Variants in CYB5R4 observed in about 807,000 individuals in gnomAD.
The protein encoded by CYB5R4 is cytochrome b5 reductase 4.
In CYB5R4, 55 loss-of-function variants were observed where a neutral mutation model predicts 70.2. That is an observed-to-expected ratio of 0.78 (90% confidence interval 0.63 to 0.98). The LOEUF (loss-of-function observed/expected upper bound fraction) is 0.98, where lower values mean the gene tolerates loss of function less well. CYB5R4 is among the 50% of genes least tolerant of loss of function. The pLI, the probability that CYB5R4 is intolerant of heterozygous loss-of-function variation, is 0.00. For missense variants in CYB5R4, 562 were observed against 612.6 expected (o/e 0.92, Z 0.87); for synonymous variants, 197 against 199.5 (o/e 0.99, Z 0.11).
chr6:83,922,959 T>G (rs1304301907), intron 9 of CYB5R4, among the ~76,000 whole-genome samples: 4 of 152,038 alleles, frequency 2.6e-5, no homozygotes, highest in African/African-American at 9.7e-5. Flanking sequence ...CTGGCTAATT[T>G]TTTTTTGTAG....
chr6:83,865,829 G>GT (rs2129127731), intron 2 of CYB5R4, among the ~76,000 whole-genome samples: 1 of 152,308 alleles, frequency 6.6e-6, no homozygotes, highest in South Asian at 2.1e-4. Flanking sequence ...TGATGACGTA[G>GT]TTTATATTGA....
At chr6:83,890,657 C>G (rs907891013) in intron 2 of CYB5R4, among the ~76,000 whole-genome samples, 1 of 152,124 alleles carries the variant, frequency 6.6e-6, no homozygotes, top group African/African-American at 2.4e-5. Context: ...ACATGGCATG[C>G]TACAGATAAA....
intron 14 of CYB5R4, among the ~76,000 whole-genome samples, chr6:83,951,679 A>G (rs2099471549): frequency 6.6e-6 from 1 of 152,182 alleles, no homozygotes; most frequent in Non-Finnish European, 1.5e-5. Context: ...TATCCAGTCT[A>G]ACATTGATGG....
intron 15 of CYB5R4, among the ~76,000 whole-genome samples, chr6:83,959,475 G>T (rs2099472972): frequency 6.6e-6 from 1 of 152,156 alleles, no homozygotes; most frequent in South Asian, 2.1e-4. Context: ...CAAATAAATT[G>T]CAGGATGGAG....
intron 2 of CYB5R4, among the ~76,000 whole-genome samples, chr6:83,892,889 A>G (rs2099461335): frequency 6.6e-6 from 1 of 152,078 alleles, no homozygotes; most frequent in Non-Finnish European, 1.5e-5. Context: ...TTCAAAAATT[A>G]TATACACAGT....
At chr6:83,922,314 C>T (rs1038458612) in intron 8 of CYB5R4, 124 bp from the exon 9 acceptor site, 7 of 604,822 alleles carry the variant, frequency 1.2e-5, no homozygotes, top group Non-Finnish European at 2.0e-5. Flanking sequence ...TTTGGTCTTT[C>T]AGAACACGTT....
intron 9 of CYB5R4, among the ~76,000 whole-genome samples, chr6:83,922,973 C>T (rs936525225): frequency 7.3e-5 from 11 of 151,356 alleles, no homozygotes; most frequent in African/African-American, 9.7e-5. Context: ...TTTGTAGAGA[C>T]GGGGTTTCAC....
At chr6:83,898,739 G>A (rs1414198904) in intron 3 of CYB5R4, among the ~76,000 whole-genome samples, 1 of 151,992 alleles carries the variant, frequency 6.6e-6, no homozygotes, top group East Asian at 1.9e-4. Flanking sequence ...GTGAATGGGA[G>A]TTCACTCATG....
At chr6:83,882,065 C>G (rs183891616) in intron 2 of CYB5R4, among the ~76,000 whole-genome samples, 2 of 152,212 alleles carry the variant, frequency 1.3e-5, no homozygotes, top group African/African-American at 4.8e-5. Context: ...AAACTCAGAC[C>G]ACATATTTTA....
chr6:83,866,218 T>C (rs2099456705), intron 2 of CYB5R4, among the ~76,000 whole-genome samples: 1 of 152,236 alleles, frequency 6.6e-6, no homozygotes, highest in Non-Finnish European at 1.5e-5. Context: ...AATTGAGGCA[T>C]TATTAGAATA....
Position 83,859,759 on chromosome 6 carries a change from AGG to A in CYB5R4, c.-22_-21del. On this transcript the variant is annotated 5_prime_UTR_variant, in exon 1 of 16. Coordinates refer to ENST00000369681, the MANE Select transcript of CYB5R4 (RefSeq NM_016230.4). ...TCCCGTCTGGCGGCGATCCCCGGGC[AGG>A]GCCCGGGGCCGGGGTTTGAAGATGC... is the stretch of plus-strand genomic sequence containing the variant. The A allele has an allele frequency of 1.4e-6, 2 of 1,442,096 alleles. No individual in the cohort carries two copies. The highest frequency in any genetic ancestry group is 1.9e-6 in the Non-Finnish European group (2 of 1,028,182). 89.3% of individuals were successfully genotyped at this position (1,442,096 alleles called of 1,614,324 possible).
At position 83,876,919 on chromosome 6, in the gene CYB5R4, C is replaced by T. The variant is rs1412894698; in HGVS notation, c.229+12591C>T. On this transcript the variant is annotated intron_variant, in intron 2 of 15. Coordinates refer to ENST00000369681, the MANE Select transcript of CYB5R4 (RefSeq NM_016230.4). The stretch of plus-strand genomic sequence containing the variant: ...CACGATCTTGGCTCACTACAACCTT[C>T]GCCTCCCAGGCTCAAGGGATTCTCC... Among the ~76,000 whole-genome samples the T allele has an allele frequency of 4.6e-5, 7 of 152,142 alleles. No individual in the cohort carries two copies. In the South Asian group the frequency reaches 6.2e-4, roughly 14 times the overall value.
At chr6:83,864,570 C>G (rs1171736999) in intron 2 of CYB5R4, among the ~76,000 whole-genome samples, 2 of 152,138 alleles carry the variant, frequency 1.3e-5, no homozygotes, top group African/African-American at 2.4e-5. Flanking sequence ...CTTCCTTGTA[C>G]TGCATTTCCT....
intron 1 of CYB5R4, among the ~76,000 whole-genome samples, 161 bp downstream of exon 1, chr6:83,860,018 G>A (rs1417854837): frequency 6.6e-6 from 1 of 152,108 alleles, no homozygotes; most frequent in Non-Finnish European, 1.5e-5. Flanking sequence ...TTTGTCTACA[G>A]TCCCTAAACT....
At chr6:83,859,985 C>A in intron 1 of CYB5R4, 128 bp downstream of exon 1, 1 of 848,404 alleles carries the variant, frequency 1.2e-6, no homozygotes, top group Non-Finnish European at 1.8e-6. Context: ...CTGTCCTTGC[C>A]TGCAACCTCT....
At chr6:83,907,173 T>G (rs2129137402) in intron 3 of CYB5R4, among the ~76,000 whole-genome samples, 1 of 152,276 alleles carries the variant, frequency 6.6e-6, no homozygotes, top group Non-Finnish European at 1.5e-5. Context: ...ACTCCTGGGC[T>G]CAAGTGATCC....
rs1366076255 is a variant in CYB5R4, at chr6:83,961,388, AT to A, written c.*1512del. ...CACCCAAATCTCCTCTCAAATTGTA[AT>A]TCCCACATGTCGAGGGAGGGTCTTG... On this transcript the variant is annotated 3_prime_UTR_variant, in exon 16 of 16. Coordinates refer to ENST00000369681, the MANE Select transcript of CYB5R4 (RefSeq NM_016230.4). The A allele has an allele frequency of 1.3e-5, 2 of 151,364 alleles. No individual in the cohort carries two copies. Among genetic ancestry groups the A allele is most frequent in the East Asian group, 2.0e-4 (1 of 5,128 alleles). 9.4% of individuals were successfully genotyped at this position (151,364 alleles called of 1,614,324 possible). A position where few individuals can be genotyped will look rare whatever the true frequency, so the allele number is the denominator to read the frequency against.
intron 2 of CYB5R4, among the ~76,000 whole-genome samples, chr6:83,865,065 A>C (rs1219308062): frequency 6.6e-6 from 1 of 152,188 alleles, no homozygotes; most frequent in East Asian, 1.9e-4. Context: ...TCTTAATGCA[A>C]TTGTAATTTT....
intron 2 of CYB5R4, among the ~76,000 whole-genome samples, chr6:83,873,507 C>T (rs530104710): frequency 6.6e-6 from 1 of 152,064 alleles, no homozygotes; most frequent in South Asian, 2.1e-4. Context: ...TCCCAAAGTG[C>T]TGGGATTACA....
Sources: gnomAD v4.1 joint callset for allele counts (sites outside exome capture counted in the v4.1 genomes callset) on GRCh38, gnomAD v4.1.1 for gene constraint, MANE v1.5 for transcripts, NCBI Gene and HGNC (gene_info 2026-07-23, HGNC 2026-07-21) for gene names.